The following PLA2G4D variants were observed in gnomAD, a reference collection of about 807,000 sequenced individuals.
The protein encoded by PLA2G4D is cytosolic phospholipase A2 delta.
PLA2G4D carries 80 observed loss-of-function variants against 94.4 expected under a neutral mutation model. That is an observed-to-expected ratio of 0.85 (90% CI 0.71 to 1.02). The LOEUF is 1.02. Ranked by LOEUF, PLA2G4D falls within the 50% of genes least tolerant of loss-of-function variation. The probability of loss-of-function intolerance (pLI) is 0.00; values close to 1 mark genes in which losing one functional copy is unlikely to be tolerated. For synonymous variants in PLA2G4D, 438 were observed against 440.9 expected (o/e 0.99, Z 0.08); for missense variants, 1,050 against 1,034.7 (o/e 1.01, Z -0.20).
At chr15:42,078,934 TA>T (rs1253682256) in intron 13 of PLA2G4D, among the ~76,000 whole-genome samples, 1 of 152,234 alleles carries the variant, frequency 6.6e-6, no homozygotes, top group Non-Finnish European at 1.5e-5. Flanking sequence ...GTAATTTTTT[TA>T]AAAAATGTAT....
At chr15:42,072,907 C>T (rs1469803864) in intron 13 of PLA2G4D, among the ~76,000 whole-genome samples, 2 of 152,224 alleles carry the variant, frequency 1.3e-5, no homozygotes, top group Admixed American at 6.5e-5. Flanking sequence ...CATCGTCCCT[C>T]TTCTTTCTTG....
At position 42,081,613 on chromosome 15, in the gene PLA2G4D, G is replaced by C. The variant is rs1335732668; in HGVS notation, c.823C>G (p.Pro275Ala). The change falls in exon 11 of 20, where the codon CCT becomes GCT. Residue 275 changes from proline (P) to alanine (A), a missense_variant and splice_region_variant. Physicochemically the swap from Pro to Ala is conservative, Grantham distance 27 (BLOSUM62 -1). Coordinates refer to ENST00000290472, the MANE Select transcript of PLA2G4D (RefSeq NM_178034.4). ...CCCAGGTGCACGGCCAGCTCCTCAG[G>C]GCTGTGGCAATGGAGGATCCAGGGG... ...VRLQLKAEGC[P>A]EELAVHLGFN... The C allele has an allele frequency of 1.2e-6, 2 of 1,613,938 alleles. No individual in the cohort carries two copies. The highest frequency in any genetic ancestry group is 1.7e-6 in the Non-Finnish European group (2 of 1,179,870).
At chr15:42,070,237 C>G in intron 18 of PLA2G4D, 142 bp from the exon 19 acceptor site, 1 of 817,272 alleles carries the variant, frequency 1.2e-6, no homozygotes, top group Non-Finnish European at 1.8e-6. Flanking sequence ...TGCAGAGTGA[C>G]TCGGAGGGAG....
At position 42,084,245 on chromosome 15, in the gene PLA2G4D, C is replaced by T. The variant is rs866468420; in HGVS notation, c.472-466G>A. 6.6e-6 allele frequency among the ~76,000 whole-genome samples: 1 copy of T among 152,116 alleles called. No homozygotes were observed. Among genetic ancestry groups the T allele is most frequent in the African/African-American group, 2.4e-5 (1 of 41,420 alleles). ...ACTGGGGGACAATGACAAGGCCAGG[C>T]CCCCGTGGCCTTGCCAAGGGAGCCT... On this transcript the variant is annotated intron_variant, in intron 6 of 19. Coordinates refer to ENST00000290472, the MANE Select transcript of PLA2G4D (RefSeq NM_178034.4). The surrounding 1 kb of genome is among the most constrained non-coding windows in gnomAD (Gnocchi z 4.8).
rs370314190 is a variant in PLA2G4D, at chr15:42,068,740, G to A, written c.2432C>T (p.Ala811Val). 2.8e-5 allele frequency: 45 copies of A among 1,609,460 alleles called. No homozygotes were observed. The highest frequency in any genetic ancestry group is 3.6e-5 in the Non-Finnish European group (42 of 1,177,836). The stretch of plus-strand genomic sequence containing the variant: ...TCAGGTCTGTGCCCTTGGAGGCCTC[G>A]CCTCTAGAGTCCGGTGCTTCAGCGC... The part of the protein sequence containing the change: ...RTALKHRTLE[A>V]RPPRAQT The change falls in exon 20 of 20, where the codon GCG (alanine) becomes GTG (valine). Residue 811 changes from alanine (A) to valine (V), a missense_variant. Coordinates refer to ENST00000290472, the MANE Select transcript of PLA2G4D (RefSeq NM_178034.4).
chr15:42,085,885 A>C (rs973879464), intron 4 of PLA2G4D, among the ~76,000 whole-genome samples: 1 of 151,978 alleles, frequency 6.6e-6, no homozygotes, highest in African/African-American at 2.4e-5. Context: ...TGCCGTCCCC[A>C]CCCCCAGGCT....
At chr15:42,082,470 A>G in intron 8 of PLA2G4D, 81 bp from the exon 9 acceptor site, 1 of 918,662 alleles carries the variant, frequency 1.1e-6, no homozygotes, top group Non-Finnish European at 1.8e-6. Context: ...ATCCAGACAG[A>G]CACATTCTCC....
intron 1 of PLA2G4D, among the ~76,000 whole-genome samples, chr15:42,093,604 G>T (rs370171215): frequency 1.3e-5 from 2 of 152,282 alleles, no homozygotes; most frequent in East Asian, 3.9e-4. Flanking sequence ...TTCACTGAGG[G>T]GTCCCTCTCA....
At chr15:42,080,733 G>A (rs1053688341) in intron 12 of PLA2G4D, among the ~76,000 whole-genome samples, 1 of 152,174 alleles carries the variant, frequency 6.6e-6, no homozygotes, top group African/African-American at 2.4e-5. Context: ...AAGTGGTGCT[G>A]CCAGGACTCA....
chr15:42,086,164 G>A (rs767930796), intron 4 of PLA2G4D, 49 bp downstream of exon 4: 249 of 1,524,076 alleles, frequency 1.6e-4, no homozygotes, highest in Non-Finnish European at 2.0e-4. Context: ...CCTCAGCTTG[G>A]AGTTGGAAGA....
intron 15 of PLA2G4D, 104 bp downstream of exon 15, chr15:42,071,670 C>CA: frequency 3.0e-6 from 4 of 1,342,722 alleles, no homozygotes; most frequent in Non-Finnish European, 4.2e-6. Context: ...CCCGCCACCC[C>CA]TCCCCCTTGT....
chr15:42,079,536 C>G lies in PLA2G4D; in HGVS notation c.1317+1G>C. The G allele has an allele frequency of 6.3e-7, 1 of 1,596,726 alleles. No homozygotes were observed. The highest frequency in any genetic ancestry group is 1.1e-5 in the South Asian group (1 of 89,312). ...CTCCCCCACGTGCGCAGGCGCCCTA[C>G]CTGGCCGTGCAGCATGGACTCCAGC... On this transcript the variant is annotated splice_donor_variant, in intron 13 of 19. Coordinates refer to ENST00000290472, the MANE Select transcript of PLA2G4D (RefSeq NM_178034.4). LOFTEE classifies it high-confidence loss of function.
At chr15:42,091,958 C>T (rs1036762551) in intron 1 of PLA2G4D, among the ~76,000 whole-genome samples, 1 of 152,228 alleles carries the variant, frequency 6.6e-6, no homozygotes, top group African/African-American at 2.4e-5. Context: ...TACCCTGCCC[C>T]TTTTGCTTTG....
At chr15:42,081,885 C>G (rs1256663518) in intron 9 of PLA2G4D, 51 bp from the exon 10 acceptor site, 2 of 1,597,674 alleles carry the variant, frequency 1.3e-6, no homozygotes, top group Non-Finnish European at 1.7e-6. Context: ...CCCTAAGCGG[C>G]ACATGGGTAT....
chr15:42,083,565 C>A, intron 7 of PLA2G4D, 151 bp downstream of exon 7: 1 of 1,093,786 alleles, frequency 9.1e-7, no homozygotes, highest in Non-Finnish European at 1.3e-6. Flanking sequence ...TCCTGCCCAG[C>A]GGAGATGCGT....
Position 42,067,365 on chromosome 15 carries a change from ATC to A in PLA2G4D, c.*1348_*1349del, listed in dbSNP as rs1294266585. On this transcript the variant is annotated 3_prime_UTR_variant, in exon 20 of 20. Coordinates refer to ENST00000290472, the MANE Select transcript of PLA2G4D (RefSeq NM_178034.4). ...AGCCTGGGCAACATGGTGAGACCTC[ATC>A]TCTACAAAAAACCATTTTTTTAATT... 6.6e-6 allele frequency: 1 copy of A among 152,184 alleles called. No homozygotes were observed. Among genetic ancestry groups the A allele is most frequent in the Non-Finnish European group, 1.5e-5 (1 of 68,028 alleles). The allele number at this position is 152,184 out of a possible 1,614,324, so 9.4% of individuals were successfully genotyped here.
At position 42,090,714 on chromosome 15, in the gene PLA2G4D, T is replaced by C. The variant is rs11856763; in HGVS notation, c.46-3014A>G. 9.5e-3 allele frequency among the ~76,000 whole-genome samples: 1,449 copies of C among 152,258 alleles called. 9 individuals are homozygous for C. Among genetic ancestry groups the C allele is most frequent in the Middle Eastern group, 0.02 (6 of 294 alleles). On this transcript the variant is annotated intron_variant, in intron 1 of 19. Transcript: ENST00000290472. Reference sequence around the variant, plus strand: ...GGGCAGACTCAGGCTCCCAAATCGCTGACACTTAGGCTTTTGTTTTACCTG... The same window carrying C: ...GGGCAGACTCAGGCTCCCAAATCGCCGACACTTAGGCTTTTGTTTTACCTG...
chr15:42,078,359 A>G (rs142327113), intron 13 of PLA2G4D, among the ~76,000 whole-genome samples: 85 of 152,332 alleles, frequency 5.6e-4, no homozygotes, highest in African/African-American at 2.0e-3. Flanking sequence ...GAGGGTATAC[A>G]AAGGGCTTTA....
chr15:42,094,278 G>T, intron 1 of PLA2G4D, 137 bp downstream of exon 1: 1 of 944,896 alleles, frequency 1.1e-6, no homozygotes, highest in Non-Finnish European at 1.6e-6. Context: ...CACCCACTCT[G>T]CATCCCAAAT....
Sources: allele counts gnomAD v4.1 joint callset (sites outside exome capture counted in the v4.1 genomes callset), GRCh38; gene constraint gnomAD v4.1.1; non-coding constraint Gnocchi (gnomAD v3.1); transcripts MANE v1.5; gene names NCBI Gene and HGNC (gene_info 2026-07-23, HGNC 2026-07-21).